The following ZNF804B variants were observed in gnomAD, a reference collection of about 807,000 sequenced individuals.
The protein encoded by ZNF804B is zinc finger protein 804B.
Under a neutral mutation model 101.4 loss-of-function variants are expected in ZNF804B, and 80 were observed. The observed-to-expected ratio is 0.79, with a 90% CI of 0.66 to 0.95. ZNF804B has a LOEUF of 0.95. Ranked by LOEUF, ZNF804B falls within the 40% of genes least tolerant of loss-of-function variation. ZNF804B has a pLI of 0.00. For missense variants in ZNF804B, 1,673 were observed against 1,561.9 expected (o/e 1.07, Z -1.20); for synonymous variants, 622 against 558.8 (o/e 1.11, Z -1.59).
At chr7:89,172,061 C>T (rs1791245614) in intron 1 of ZNF804B, among the ~76,000 whole-genome samples, 1 of 151,864 alleles carries the variant, frequency 6.6e-6, no homozygotes, top group African/African-American at 2.4e-5. Context: ...CTCATCAAAC[C>T]CTGTAGCTGA....
intron 1 of ZNF804B, among the ~76,000 whole-genome samples, chr7:89,156,019 C>T (rs1273687806): frequency 9.8e-5 from 12 of 121,836 alleles, no homozygotes; most frequent in South Asian, 5.7e-4. Flanking sequence ...TTCTCTCTTT[C>T]CTTTCTTTCT....
At chr7:88,986,787 T>C (rs1387610390) in intron 1 of ZNF804B, among the ~76,000 whole-genome samples, 1 of 152,110 alleles carries the variant, frequency 6.6e-6, no homozygotes, top group Non-Finnish European at 1.5e-5. Context: ...CCAAACCTAG[T>C]CCTGGACCTT....
intron 2 of ZNF804B, among the ~76,000 whole-genome samples, chr7:89,230,260 TG>T (rs1234637070): frequency 1.1e-4 from 16 of 151,796 alleles, no homozygotes; most frequent in East Asian, 7.8e-4. Flanking sequence ...ATACAGTTAA[TG>T]TATCTTTAAT....
At chr7:88,854,461 T>TTCTTTCTG (rs1791511012) in intron 1 of ZNF804B, among the ~76,000 whole-genome samples, 1 of 119,878 alleles carries the variant, frequency 8.3e-6, no homozygotes, top group Non-Finnish European at 1.7e-5. Flanking sequence ...CTTTCTTTCT[T>TTCTTTCTG]TCTTTCTTTC....
At chr7:89,260,368 C>A (rs1475267433) in intron 2 of ZNF804B, among the ~76,000 whole-genome samples, 1 of 151,582 alleles carries the variant, frequency 6.6e-6, no homozygotes, top group Non-Finnish European at 1.5e-5. Flanking sequence ...GAATAAGGTA[C>A]TTTTTTCCTT....
chr7:89,267,228 A>G (rs905397931), intron 2 of ZNF804B, among the ~76,000 whole-genome samples: 3 of 152,026 alleles, frequency 2.0e-5, no homozygotes, highest in Non-Finnish European at 4.4e-5. Context: ...TATATTTCCC[A>G]CCTGCTAGTG....
chr7:89,033,992 C>T (rs10278568), intron 1 of ZNF804B, among the ~76,000 whole-genome samples: 51,246 of 151,696 alleles, frequency 0.34, 9,084 homozygotes, highest in East Asian at 0.54. Flanking sequence ...TTTTTAAACA[C>T]GAAGAAAACA....
intron 1 of ZNF804B, among the ~76,000 whole-genome samples, chr7:89,125,870 T>G (rs1002084359): frequency 3.9e-4 from 59 of 152,040 alleles, no homozygotes; most frequent in African/African-American, 1.4e-3. Context: ...AAAATGCATT[T>G]TATGCCAGAT....
intron 2 of ZNF804B, among the ~76,000 whole-genome samples, chr7:89,294,982 T>C (rs1264875244): frequency 6.6e-6 from 1 of 152,300 alleles, no homozygotes; most frequent in African/African-American, 2.4e-5. Flanking sequence ...GTTCTTTGTG[T>C]GAGGACTTTC....
chr7:89,120,690 T>C (rs145651434), intron 1 of ZNF804B, among the ~76,000 whole-genome samples: 29 of 149,548 alleles, frequency 1.9e-4, no homozygotes, highest in African/African-American at 6.2e-4. Context: ...AATCCAAAAA[T>C]CTACTTTTAG....
intron 1 of ZNF804B, among the ~76,000 whole-genome samples, chr7:88,875,426 G>GA (rs985780040): frequency 1.8e-4 from 28 of 151,746 alleles, no homozygotes; most frequent in African/African-American, 6.3e-4. Flanking sequence ...GACTAATAAA[G>GA]AAAAAAAGAG....
intron 2 of ZNF804B, among the ~76,000 whole-genome samples, chr7:89,256,255 C>T (rs183039105): frequency 7.9e-5 from 12 of 152,096 alleles, no homozygotes; most frequent in Admixed American, 4.6e-4. Context: ...TCAAATAAGC[C>T]ATTAAAAGGG....
chr7:89,332,532 T>C (rs1791002294), intron 3 of ZNF804B, among the ~76,000 whole-genome samples: 1 of 151,864 alleles, frequency 6.6e-6, no homozygotes, highest in South Asian at 2.1e-4. Flanking sequence ...GAAGCCTTCT[T>C]TTATAGTAGA....
At chr7:89,152,791 A>G (rs953510526) in intron 1 of ZNF804B, among the ~76,000 whole-genome samples, 3 of 152,114 alleles carry the variant, frequency 2.0e-5, no homozygotes, top group Non-Finnish European at 2.9e-5. Context: ...TATCACTGCA[A>G]ATTGACATCT....
chr7:89,311,282 G>T (rs1790646206), intron 2 of ZNF804B, among the ~76,000 whole-genome samples: 1 of 152,078 alleles, frequency 6.6e-6, no homozygotes, highest in African/African-American at 2.4e-5. Context: ...GAATTTAAAA[G>T]GTAGATTATA....
chr7:88,868,963 C>G (rs1223312204), intron 1 of ZNF804B, among the ~76,000 whole-genome samples: 1 of 152,158 alleles, frequency 6.6e-6, no homozygotes, highest in Non-Finnish European at 1.5e-5. Context: ...GAAGAATCAC[C>G]TATTGAAGAT....
intron 2 of ZNF804B, among the ~76,000 whole-genome samples, chr7:89,301,661 AAAAC>A (rs1264784465): frequency 6.6e-6 from 1 of 151,892 alleles, no homozygotes; most frequent in Non-Finnish European, 1.5e-5. Flanking sequence ...TCGTATCTCT[AAAAC>A]AAAATTCTAC....
chr7:89,182,795 G>A (rs754105742), intron 1 of ZNF804B, among the ~76,000 whole-genome samples: 1 of 152,126 alleles, frequency 6.6e-6, no homozygotes, highest in Non-Finnish European at 1.5e-5. Context: ...TTCTGCACAG[G>A]ATTGTACTTT....
intron 2 of ZNF804B, among the ~76,000 whole-genome samples, chr7:89,268,699 G>A (rs1789836893): frequency 6.6e-6 from 1 of 151,988 alleles, no homozygotes; most frequent in African/African-American, 2.4e-5. Flanking sequence ...AGCAAATCCA[G>A]TATGTGAAAA....
Sources: gnomAD v4.1 joint callset for allele counts (sites outside exome capture counted in the v4.1 genomes callset) on GRCh38, gnomAD v4.1.1 for gene constraint, MANE v1.5 for transcripts, NCBI Gene and HGNC (gene_info 2026-07-23, HGNC 2026-07-21) for gene names.